Variants in EEPD1 observed in about 807,000 individuals in gnomAD.
EEPD1 encodes the protein endonuclease/exonuclease/phosphatase family domain containing 1, also known as endonuclease/exonuclease/phosphatase family domain-containing protein 1.
EEPD1 carries 17 observed loss-of-function variants against 46.3 expected under a neutral mutation model. The observed-to-expected ratio is 0.37, with a 90% CI of 0.25 to 0.55. The LOEUF is 0.55. EEPD1 is among the 20% of genes least tolerant of loss of function. The probability of loss-of-function intolerance (pLI) is 0.83; values close to 1 mark genes in which losing one functional copy is unlikely to be tolerated. For synonymous variants in EEPD1, 313 were observed against 315.6 expected, an observed-to-expected ratio of 0.99 and a Z score of 0.09; for missense variants, 673 against 745.6, an observed-to-expected ratio of 0.90 and a Z score of 1.13.
rs1352855262 is a variant in EEPD1, at chr7:36,299,438, A to T, written c.*232A>T. The stretch of plus-strand genomic sequence containing the variant: ...CAAAGCAGAAACCTGCGGGGAGCGG[A>T]GACGCCTTTTATCTCTGGATGCCAC... On this transcript the variant is annotated 3_prime_UTR_variant, in exon 8 of 8. Transcript: ENST00000242108. 3 of 584,158 alleles carry T rather than the reference A, an allele frequency of 5.1e-6. No individual in the cohort carries two copies. Among genetic ancestry groups the T allele is most frequent in the Non-Finnish European group, 9.1e-6 (3 of 331,082 alleles). The allele number at this position is 584,158 out of a possible 1,614,324, so 36.2% of individuals were successfully genotyped here.
In EEPD1 at chr7:36,287,620, T is replaced by C; in HGVS notation, c.1177-19T>C. ...GAGCTTCTGAGCCTCTCCCTGTTGCTTTGTTTCCTGCTGCCTAGGTGGGAA... is the reference window on the plus strand; with the variant it reads ...GAGCTTCTGAGCCTCTCCCTGTTGCCTTGTTTCCTGCTGCCTAGGTGGGAA... On this transcript the variant is annotated intron_variant, in intron 5 of 7. Coordinates refer to ENST00000242108, the MANE Select transcript of EEPD1 (RefSeq NM_030636.3). 6.2e-7 allele frequency: 1 copy of C among 1,610,872 alleles called. No individual in the cohort carries two copies. Among genetic ancestry groups the C allele is most frequent in the Non-Finnish European group, 8.5e-7 (1 of 1,178,458 alleles).
intron 2 of EEPD1, among the ~76,000 whole-genome samples, chr7:36,233,654 G>A (rs895219174): frequency 3.9e-5 from 6 of 152,194 alleles, no homozygotes; most frequent in Non-Finnish European, 1.5e-5. Context: ...TGGGATGCTG[G>A]TTTAACTCGG....
At chr7:36,197,164 C>T (rs1167409235) in intron 2 of EEPD1, among the ~76,000 whole-genome samples, 5 of 144,322 alleles carry the variant, frequency 3.5e-5, no homozygotes, top group Admixed American at 3.4e-4. Flanking sequence ...AGTGAGGAGC[C>T]CCTCCGCCCG....
intron 3 of EEPD1, among the ~76,000 whole-genome samples, chr7:36,272,521 T>TGTG (rs1179083410): frequency 0.039 from 5,747 of 149,116 alleles, 153 homozygotes; most frequent in Middle Eastern, 0.059. Context: ...TTTTTTTTTT[T>TGTG]TGTGCTCCCT....
intron 2 of EEPD1, among the ~76,000 whole-genome samples, chr7:36,190,835 C>G (rs1363405875): frequency 6.6e-6 from 1 of 152,166 alleles, no homozygotes; most frequent in Non-Finnish European, 1.5e-5. Context: ...AGAAGCCCAC[C>G]CTGGGGTAAG....
Position 36,225,969 on chromosome 7 carries a change from CAG to C in EEPD1, c.879-13013_879-13012del, listed in dbSNP as rs538063672. ...TGTCTTAGATGCTCAAGAGTTAAAA[CAG>C]AGCTCAAGAGTAGCTAACATAAGCA... On this transcript the variant is annotated intron_variant, in intron 2 of 7. Coordinates refer to ENST00000242108, the MANE Select transcript of EEPD1 (RefSeq NM_030636.3). The surrounding 1 kb of genome is among the most constrained non-coding windows in gnomAD (Gnocchi z 4.2). 5.3e-5 allele frequency among the ~76,000 whole-genome samples: 8 copies of C among 152,292 alleles called. No individual in the cohort carries two copies. In the South Asian group the frequency reaches 8.3e-4, roughly 16 times the overall value.
intron 2 of EEPD1, among the ~76,000 whole-genome samples, chr7:36,208,019 G>T (rs900783717): frequency 6.6e-6 from 1 of 151,986 alleles, no homozygotes; most frequent in Non-Finnish European, 1.5e-5. Flanking sequence ...CTCCAGGAAC[G>T]GTGCCTCCTC....
At chr7:36,245,696 T>C (rs196543) in intron 3 of EEPD1, among the ~76,000 whole-genome samples, 130,298 of 152,256 alleles carry the variant, frequency 0.86, 56,153 homozygotes, top group Non-Finnish European at 0.9. Context: ...TTTCTTCTTT[T>C]GAAAAATGGT....
chr7:36,284,918 T>C, intron 5 of EEPD1, 98 bp downstream of exon 5: 5 of 1,370,226 alleles, frequency 3.6e-6, no homozygotes, highest in Non-Finnish European at 4.7e-6. Flanking sequence ...AGAAGTCTCG[T>C]CTTTTTGCCT....
At chr7:36,227,225 C>T (rs1786245793) in intron 2 of EEPD1, among the ~76,000 whole-genome samples, 1 of 152,026 alleles carries the variant, frequency 6.6e-6, no homozygotes, top group African/African-American at 2.4e-5. Context: ...AGTTGAAAAC[C>T]TGAATGGAAT....
chr7:36,236,531 C>G (rs1165387639), intron 2 of EEPD1, among the ~76,000 whole-genome samples: 2 of 152,232 alleles, frequency 1.3e-5, no homozygotes, highest in Non-Finnish European at 2.9e-5. Flanking sequence ...CTCTGGGCTG[C>G]CTTAGTGCCC....
intron 2 of EEPD1, among the ~76,000 whole-genome samples, chr7:36,232,505 C>A (rs1005672625): frequency 2.0e-5 from 3 of 151,664 alleles, no homozygotes; most frequent in African/African-American, 4.9e-5. Context: ...CCAGCCCTTG[C>A]TGGGTTTTAG....
chr7:36,232,394 C>T lies in EEPD1; in HGVS notation c.879-6591C>T, dbSNP rs147084665. On this transcript the variant is annotated intron_variant, in intron 2 of 7. Coordinates refer to ENST00000242108, the MANE Select transcript of EEPD1 (RefSeq NM_030636.3). ...TAATTTTTTGTATTTGTAGAAGAGA[C>T]GGGGTTTCACTGTGTTAGCCAGGAT... Among the ~76,000 whole-genome samples the T allele has an allele frequency of 5.3e-3, 802 of 151,724 alleles. 4 individuals are homozygous for T. The highest frequency in any genetic ancestry group is 8.1e-3 in the Non-Finnish European group (550 of 67,916).
At chr7:36,192,139 A>G (rs1459829541) in intron 2 of EEPD1, among the ~76,000 whole-genome samples, 2 of 152,262 alleles carry the variant, frequency 1.3e-5, no homozygotes, top group African/African-American at 4.8e-5. Context: ...CCCTTTTCTA[A>G]AAGAGGAGCA....
chr7:36,268,758 A>T lies in EEPD1; in HGVS notation c.931-12357A>T, dbSNP rs551258385. On this transcript the variant is annotated intron_variant, in intron 3 of 7. Coordinates refer to ENST00000242108, the MANE Select transcript of EEPD1 (RefSeq NM_030636.3). ...AACAACCAGGAGAGCACATACAGAG[A>T]CTTGCTGGGTGCCAGGCCTGTGCTA... 2.6e-5 allele frequency among the ~76,000 whole-genome samples: 4 copies of T among 152,318 alleles called. No individual in the cohort carries two copies. The South Asian group carries it at 8.3e-4, about 32-fold the overall frequency.
chr7:36,262,779 A>C (rs1177880292), intron 3 of EEPD1, among the ~76,000 whole-genome samples: 1 of 151,994 alleles, frequency 6.6e-6, no homozygotes, highest in Admixed American at 6.6e-5. Context: ...GCTTGAGCCC[A>C]CTCACCCAAC....
chr7:36,198,807 G>A (rs1785659978), intron 2 of EEPD1, among the ~76,000 whole-genome samples: 1 of 152,144 alleles, frequency 6.6e-6, no homozygotes, highest in Non-Finnish European at 1.5e-5. Flanking sequence ...CTCTGTGGGT[G>A]TGCCAGCCAC....
chr7:36,257,100 G>A (rs183417207), intron 3 of EEPD1, among the ~76,000 whole-genome samples: 2 of 152,280 alleles, frequency 1.3e-5, no homozygotes, highest in African/African-American at 4.8e-5. Flanking sequence ...GGCTAGATAT[G>A]AAATTCTGAG....
intron 2 of EEPD1, among the ~76,000 whole-genome samples, chr7:36,169,186 G>A (rs1314521012): frequency 6.6e-6 from 1 of 152,172 alleles, no homozygotes; most frequent in Non-Finnish European, 1.5e-5. Flanking sequence ...GAACATTCAT[G>A]TACAAGTTTT....
Sources: gnomAD v4.1 joint callset for allele counts (sites outside exome capture counted in the v4.1 genomes callset) on GRCh38, gnomAD v4.1.1 for gene constraint, Gnocchi (gnomAD v3.1) non-coding constraint, MANE v1.5 for transcripts, NCBI Gene and HGNC (gene_info 2026-07-23, HGNC 2026-07-21) for gene names.